SPATA31D3: variants seen among roughly 807,000 people sequenced by gnomAD.
SPATA31D3 encodes the protein spermatogenesis-associated protein 31D3.
For synonymous variants in SPATA31D3, 27 were observed against 107.8 expected, an observed-to-expected ratio of 0.25 and a Z score of 4.65; for missense variants, 91 against 297.9, an observed-to-expected ratio of 0.31 and a Z score of 5.11.
In SPATA31D3 at chr9:81,949,624, G is replaced by T; in HGVS notation, c.*1617G>T. The T allele has an allele frequency of 1.3e-6, 1 of 791,202 alleles. No homozygotes were observed. Among genetic ancestry groups the T allele is most frequent in the Non-Finnish European group, 2.2e-6 (1 of 456,210 alleles). The allele number at this position is 791,202 out of a possible 1,614,324, so 49.0% of individuals were successfully genotyped here. ...GCCCCTTTCCTCCCCAGTGCAGCTT[G>T]GGAAATCTCAGAATGTGCCAGAACT... On this transcript the variant is annotated 3_prime_UTR_variant, in exon 4 of 4. Coordinates refer to ENST00000445385, the MANE Select transcript of SPATA31D3 (RefSeq NM_207416.3).
At position 81,949,104 on chromosome 9, in the gene SPATA31D3, G is replaced by A. The variant is rs771963958; in HGVS notation, c.*1097G>A. The A allele has an allele frequency of 3.3e-5, 20 of 613,882 alleles. No individual in the cohort carries two copies. Among genetic ancestry groups the A allele is most frequent in the Admixed American group, 2.2e-4 (9 of 40,228 alleles). The allele number at this position is 613,882 out of a possible 1,614,324, so 38.0% of individuals were successfully genotyped here. Reference sequence around the variant, plus strand: ...ACTTGGAGGTCAGAGGAATCCGTGTGGCACAGCAGCAGGAGCCCAGGGTCC... The same window carrying A: ...ACTTGGAGGTCAGAGGAATCCGTGTAGCACAGCAGCAGGAGCCCAGGGTCC... On this transcript the variant is annotated 3_prime_UTR_variant, in exon 4 of 4. Transcript: ENST00000445385.
Position 81,949,320 on chromosome 9 carries a change from A to C in SPATA31D3, c.*1313A>C, listed in dbSNP as rs542489645. Reference sequence around the variant, plus strand: ...AGTCGCTTGGGAGCAAATCTTCCCCAACCTTGAAAACACAGCCTCCTCCTG... The same window carrying C: ...AGTCGCTTGGGAGCAAATCTTCCCCCACCTTGAAAACACAGCCTCCTCCTG... On this transcript the variant is annotated 3_prime_UTR_variant, in exon 4 of 4. Transcript: ENST00000445385. 3.8e-5 allele frequency: 14 copies of C among 373,326 alleles called. No homozygotes were observed. In the South Asian group the frequency reaches 4.8e-4, roughly 13 times the overall value. The allele number at this position is 373,326 out of a possible 1,614,324, so 23.1% of individuals were successfully genotyped here.
chr9:81,944,938 A>G (rs1362867737), intron 2 of SPATA31D3, among the ~76,000 whole-genome samples: 1 of 14,802 alleles, frequency 6.8e-5, no homozygotes, highest in Non-Finnish European at 1.8e-4. Flanking sequence ...ACTGATGTCT[A>G]TGTTTCACGT....
chr9:81,949,517 A>T lies in SPATA31D3; in HGVS notation c.*1510A>T. 1 of 556,568 alleles carries T rather than the reference A, an allele frequency of 1.8e-6. No homozygotes were observed. Among genetic ancestry groups the T allele is most frequent in the Non-Finnish European group, 3.4e-6 (1 of 296,894 alleles). The allele number at this position is 556,568 out of a possible 1,614,324, so 34.5% of individuals were successfully genotyped here. A position where few individuals can be genotyped will look rare whatever the true frequency, so the allele number is the denominator to read the frequency against. On this transcript the variant is annotated 3_prime_UTR_variant, in exon 4 of 4. Transcript: ENST00000445385. ...GTCTTTACTGGGACTATTGAAGCTCAGAAAATTAGGAAAGACACTGGGGAG... is the reference window on the plus strand; with the variant it reads ...GTCTTTACTGGGACTATTGAAGCTCTGAAAATTAGGAAAGACACTGGGGAG...
Position 81,947,720 on chromosome 9 carries a change from C to T in SPATA31D3, c.2467C>T (p.Leu823Phe), listed in dbSNP as rs1823915092. The T allele has an allele frequency of 1.9e-6, 3 of 1,598,398 alleles. No homozygotes were observed. Among genetic ancestry groups the T allele is most frequent in the Non-Finnish European group, 2.6e-6 (3 of 1,173,694 alleles). Residue 823 changes from leucine (L) to phenylalanine (F), a missense_variant, in exon 4 of 4, where the codon CTT becomes TTT. Transcript: ENST00000445385. ...DSGVRLGQKQ[L>F]ENALTVHLSK... is the part of the protein sequence containing the mutation. ...AGGGGTGAGACTAGGTCAGAAACAA[C>T]TTGAAAATGCCCTGACAGTACATTT...
chr9:81,949,891 A>T lies in SPATA31D3; in HGVS notation c.*1884A>T, dbSNP rs1824003586. ...CACAGGAAGCCTGTGCCACAGCCAAACCCCACTTGCAGTGTGAAGTCAACC... is the reference window on the plus strand; with the variant it reads ...CACAGGAAGCCTGTGCCACAGCCAATCCCCACTTGCAGTGTGAAGTCAACC... On this transcript the variant is annotated 3_prime_UTR_variant, in exon 4 of 4. Transcript: ENST00000445385. The T allele has an allele frequency of 1.4e-6, 1 of 720,286 alleles. No homozygotes were observed. The highest frequency in any genetic ancestry group is 2.4e-6 in the Non-Finnish European group (1 of 421,136). 44.6% of individuals were successfully genotyped at this position (720,286 alleles called of 1,614,324 possible). A position where few individuals can be genotyped will look rare whatever the true frequency, so the allele number is the denominator to read the frequency against.
At position 81,949,735 on chromosome 9, in the gene SPATA31D3, C is replaced by G; in HGVS notation, c.*1728C>G. On this transcript the variant is annotated 3_prime_UTR_variant, in exon 4 of 4. Coordinates refer to ENST00000445385, the MANE Select transcript of SPATA31D3 (RefSeq NM_207416.3). ...AGTGACATGTACCAAATCTTGCAGCCAACAAGCTATCTTTGTCGGCCAGAA... is the reference window on the plus strand; with the variant it reads ...AGTGACATGTACCAAATCTTGCAGCGAACAAGCTATCTTTGTCGGCCAGAA... The G allele has an allele frequency of 7.1e-7, 1 of 1,408,136 alleles. No homozygotes were observed. The highest frequency in any genetic ancestry group is 2.3e-5 in the East Asian group (1 of 43,554). 87.2% of individuals were successfully genotyped at this position (1,408,136 alleles called of 1,614,324 possible).
Position 81,947,614 on chromosome 9 carries a change from G to A in SPATA31D3, c.2361G>A (p.Glu787=). ...AAAACCATCTCTTGCATGATCCGGAGACATCTTCAGAGGAGGATCTGAGGT... is the reference window on the plus strand; with the variant it reads ...AAAACCATCTCTTGCATGATCCGGAAACATCTTCAGAGGAGGATCTGAGGT... The part of the protein sequence containing the change: ...APKNHLLHDP[E]TSSEEDLRSN... The change falls in exon 4 of 4, where the codon GAG becomes GAA. Residue 787 remains glutamate (E), a synonymous_variant. Coordinates refer to ENST00000445385, the MANE Select transcript of SPATA31D3 (RefSeq NM_207416.3). 2 of 1,568,752 alleles carry A rather than the reference G, an allele frequency of 1.3e-6. 1 individual carries two copies.
intron 3 of SPATA31D3, 38 bp downstream of exon 3, chr9:81,945,270 C>CTTTTTTTTTTTTTTTTTTTTTTTTTT (rs1823867901): frequency 5.2e-6 from 1 of 192,498 alleles, no homozygotes; most frequent in African/African-American, 1.1e-4. Flanking sequence ...TTCCCACCGC[C>CTTTTTTTTTTTTTTTTTTTTTTTTTT]TTCTTTTTTT....
In SPATA31D3 at chr9:81,949,623, TG is replaced by T; in HGVS notation, c.*1619del. 1 of 783,246 alleles carries T rather than the reference TG, an allele frequency of 1.3e-6. No homozygotes were observed. The highest frequency in any genetic ancestry group is 1.9e-5 in the Admixed American group (1 of 52,060). 48.5% of individuals were successfully genotyped at this position (783,246 alleles called of 1,614,324 possible). A position where few individuals can be genotyped will look rare whatever the true frequency, so the allele number is the denominator to read the frequency against. On this transcript the variant is annotated 3_prime_UTR_variant, in exon 4 of 4. Transcript: ENST00000445385. ...AGCCCCTTTCCTCCCCAGTGCAGCTTGGGAAATCTCAGAATGTGCCAGAACT... is the reference window on the plus strand; with the variant it reads ...AGCCCCTTTCCTCCCCAGTGCAGCTTGGAAATCTCAGAATGTGCCAGAACT...
Position 81,949,578 on chromosome 9 carries a change from A to T in SPATA31D3, c.*1571A>T. 2 of 627,364 alleles carry T rather than the reference A, an allele frequency of 3.2e-6. No individual in the cohort carries two copies. Among genetic ancestry groups the T allele is most frequent in the South Asian group, 3.4e-5 (2 of 58,542 alleles). 38.9% of individuals were successfully genotyped at this position (627,364 alleles called of 1,614,324 possible). ...AGAAGCTGGGGCATAGACATTGAATAGATATCACCTGTCCCCAGGAGCCCC... is the reference window on the plus strand; with the variant it reads ...AGAAGCTGGGGCATAGACATTGAATTGATATCACCTGTCCCCAGGAGCCCC... On this transcript the variant is annotated 3_prime_UTR_variant, in exon 4 of 4. Transcript: ENST00000445385.
chr9:81,949,482 A>G lies in SPATA31D3; in HGVS notation c.*1475A>G. 1 of 498,794 alleles carries G rather than the reference A, an allele frequency of 2.0e-6. No homozygotes were observed. Among genetic ancestry groups the G allele is most frequent in the South Asian group, 2.2e-5 (1 of 46,452 alleles). The allele number at this position is 498,794 out of a possible 1,614,324, so 30.9% of individuals were successfully genotyped here. On this transcript the variant is annotated 3_prime_UTR_variant, in exon 4 of 4. Coordinates refer to ENST00000445385, the MANE Select transcript of SPATA31D3 (RefSeq NM_207416.3). ...CTGTGCAGAATAGAGGTCGAGTTAA[A>G]AGTAGAGCTGTCTTTACTGGGACTA...
chr9:81,950,055 A>G lies in SPATA31D3; in HGVS notation c.*2048A>G. ...AAAAAATAATTAACTCCTTGTTGAG[A>G]ATCTTGACTCTCCCCAATAAACGTT... is the stretch of plus-strand genomic sequence containing the variant. On this transcript the variant is annotated 3_prime_UTR_variant, in exon 4 of 4. Transcript: ENST00000445385. 1 of 299,934 alleles carries G rather than the reference A, an allele frequency of 3.3e-6. No individual in the cohort carries two copies. Among genetic ancestry groups the G allele is most frequent in the Non-Finnish European group, 6.3e-6 (1 of 159,956 alleles). 18.6% of individuals were successfully genotyped at this position (299,934 alleles called of 1,614,324 possible). A position where few individuals can be genotyped will look rare whatever the true frequency, so the allele number is the denominator to read the frequency against.
Position 81,948,276 on chromosome 9 carries a change from A to G in SPATA31D3, c.*269A>G, listed in dbSNP as rs1823938853. On this transcript the variant is annotated 3_prime_UTR_variant, in exon 4 of 4. Transcript: ENST00000445385. Reference sequence around the variant, plus strand: ...GCAAAGAAGGGCAGGGGACCCTGAGAAGACAATTTTCTGATACTGACCATG... The same window carrying G: ...GCAAAGAAGGGCAGGGGACCCTGAGGAGACAATTTTCTGATACTGACCATG... The G allele has an allele frequency of 3.1e-6, 2 of 642,942 alleles. No homozygotes were observed. Among genetic ancestry groups the G allele is most frequent in the Non-Finnish European group, 5.3e-6 (2 of 380,306 alleles). The allele number at this position is 642,942 out of a possible 1,614,324, so 39.8% of individuals were successfully genotyped here.
At position 81,947,989 on chromosome 9, in the gene SPATA31D3, A is replaced by G. The variant is rs1489834521; in HGVS notation, c.2736A>G (p.Ile912Met). 1.3e-6 allele frequency: 2 copies of G among 1,565,264 alleles called. No individual in the cohort carries two copies. The highest frequency in any genetic ancestry group is 2.7e-5 in the African/African-American group (2 of 72,830). The stretch of plus-strand genomic sequence containing the variant: ...TTAAATCTTTCCATATGAAGCCCAT[A>G]TTAAATCTTTCCATATGAGGATGCT... ...AHIKSFHMKP[I>M]LNLSI Residue 912 changes from isoleucine to methionine, a missense_variant, in exon 4 of 4, where the codon ATA (isoleucine) becomes ATG (methionine). Coordinates refer to ENST00000445385, the MANE Select transcript of SPATA31D3 (RefSeq NM_207416.3).
At position 81,948,005 on chromosome 9, in the gene SPATA31D3, T is replaced by C. The variant is rs765994268; in HGVS notation, c.2752T>C (p.Ter918ArgextTer89). Residue 918 changes from the stop codon to arginine (R), a stop_lost, in exon 4 of 4, where the codon TGA (stop) becomes CGA (arginine). Coordinates refer to ENST00000445385, the MANE Select transcript of SPATA31D3 (RefSeq NM_207416.3). ...HMKPILNLSI[*>R] is the part of the protein sequence containing the mutation. The stretch of plus-strand genomic sequence containing the variant: ...GAAGCCCATATTAAATCTTTCCATA[T>C]GAGGATGCTGTGGGGCCTTCCCCGC... The C allele has an allele frequency of 6.3e-7, 1 of 1,583,772 alleles. No homozygotes were observed. The highest frequency in any genetic ancestry group is 2.3e-5 in the East Asian group (1 of 43,700).
Position 81,947,533 on chromosome 9 carries a change from GCTTT to G in SPATA31D3, c.2282_2285del (p.Leu761ProfsTer33). On this transcript the variant is annotated frameshift_variant, in exon 4 of 4. Coordinates refer to ENST00000445385, the MANE Select transcript of SPATA31D3 (RefSeq NM_207416.3). LOFTEE classifies it low-confidence loss of function (END_TRUNC). ...GCTTCCACGAGAGGAGCTCAAATATGCTTTCCATGGAGAATGTGGGGAATTATCA... is the reference window on the plus strand; with the variant it reads ...GCTTCCACGAGAGGAGCTCAAATATGCCATGGAGAATGTGGGGAATTATCA... 6.6e-7 allele frequency: 1 copy of G among 1,515,790 alleles called. No homozygotes were observed. The highest frequency in any genetic ancestry group is 8.9e-7 in the Non-Finnish European group (1 of 1,125,310). The allele number at this position is 1,515,790 out of a possible 1,614,324, so 93.9% of individuals were successfully genotyped here.
In SPATA31D3 at chr9:81,948,150, C is replaced by T. The variant is rs1465654788; in HGVS notation, c.*143C>T. The T allele has an allele frequency of 9.2e-6, 13 of 1,418,486 alleles. No individual in the cohort carries two copies. In the Admixed American group the frequency reaches 1.0e-4, roughly 11 times the overall value. The allele number at this position is 1,418,486 out of a possible 1,614,324, so 87.9% of individuals were successfully genotyped here. A position where few individuals can be genotyped will look rare whatever the true frequency, so the allele number is the denominator to read the frequency against. ...CTCAGGGAGATTCCAAAGATGGGGT[C>T]TCTAAGTCTTGTAGACGAAGCACTT... On this transcript the variant is annotated 3_prime_UTR_variant, in exon 4 of 4. Transcript: ENST00000445385.
At position 81,949,135 on chromosome 9, in the gene SPATA31D3, C is replaced by T; in HGVS notation, c.*1128C>T. The T allele has an allele frequency of 1.7e-6, 1 of 598,916 alleles. No homozygotes were observed. Among genetic ancestry groups the T allele is most frequent in the East Asian group, 2.8e-5 (1 of 36,184 alleles). 37.1% of individuals were successfully genotyped at this position (598,916 alleles called of 1,614,324 possible). A position where few individuals can be genotyped will look rare whatever the true frequency, so the allele number is the denominator to read the frequency against. ...GCAGCAGGAGCCCAGGGTCCCTACG[C>T]ATGTCTTACAGAAATGCCAAGTTAA... On this transcript the variant is annotated 3_prime_UTR_variant, in exon 4 of 4. Transcript: ENST00000445385.
Sources: gnomAD v4.1 joint callset for allele counts (sites outside exome capture counted in the v4.1 genomes callset) on GRCh38, gnomAD v4.1.1 for gene constraint, MANE v1.5 for transcripts, NCBI Gene and HGNC (gene_info 2026-07-23, HGNC 2026-07-21) for gene names.